The following SLC30A5 variants were observed in gnomAD, a reference collection of about 807,000 sequenced individuals.
SLC30A5 encodes the protein proton-coupled zinc antiporter SLC30A5.
Under a neutral mutation model 79.6 loss-of-function variants are expected in SLC30A5, and 33 were observed. The observed-to-expected ratio is 0.41, with a 90% CI of 0.31 to 0.55. The LOEUF (loss-of-function observed/expected upper bound fraction) is 0.55. Ranked by LOEUF, SLC30A5 falls within the 20% of genes least tolerant of loss-of-function variation. The pLI, the probability that SLC30A5 is intolerant of heterozygous loss-of-function variation, is 0.20. For missense variants in SLC30A5, 788 were observed against 928.1 expected, an observed-to-expected ratio of 0.85 and a Z score of 1.96; for synonymous variants, 299 against 319.7, an observed-to-expected ratio of 0.94 and a Z score of 0.69.
rs1746378774 is a variant in SLC30A5 at position 69,116,542 on chromosome 5, A to G, written c.1221A>G (p.Leu407=). 3 of 1,610,966 alleles carry G rather than the reference A, an allele frequency of 1.9e-6. No individual in the cohort carries two copies. Among genetic ancestry groups the G allele is most frequent in the Middle Eastern group, 1.7e-4 (1 of 6,044 alleles). Residue 407 remains leucine (L), a synonymous_variant, in exon 10 of 16, where the codon CTA becomes CTG. Transcript: ENST00000396591. The surrounding 1 kb of genome is among the most constrained non-coding windows in gnomAD (Gnocchi z 4.0). The part of the protein sequence containing the change: ...QSIPRFIKES[L]KQILEESDSR... ...TCCCTAGGTTTATTAAGGAATCACT[A>G]AAACAAATTCTTGAGGAGAGTGACT...
Position 69,116,284 on chromosome 5 carries a change from C to T in SLC30A5, c.1072+70C>T. ...TGGATTTTGATGGTCACATCATTTACTTATTTTGGGAAATTCTTCAGTGCT... is the reference window on the plus strand; with the variant it reads ...TGGATTTTGATGGTCACATCATTTATTTATTTTGGGAAATTCTTCAGTGCT... On this transcript the variant is annotated intron_variant, in intron 9 of 15. Transcript: ENST00000396591. The surrounding 1 kb of genome is among the most constrained non-coding windows in gnomAD (Gnocchi z 4.0). 1 of 1,510,386 alleles carries T rather than the reference C, an allele frequency of 6.6e-7. No homozygotes were observed. Among genetic ancestry groups the T allele is most frequent in the Non-Finnish European group, 8.9e-7 (1 of 1,127,280 alleles). The allele number at this position is 1,510,386 out of a possible 1,614,324, so 93.6% of individuals were successfully genotyped here.
Position 69,114,410 on chromosome 5 carries a change from A to G in SLC30A5, c.536-10A>G, listed in dbSNP as rs16898517. 2 of 1,579,026 alleles carry G rather than the reference A, an allele frequency of 1.3e-6. No homozygotes were observed. Among genetic ancestry groups the G allele is most frequent in the African/African-American group, 1.3e-5 (1 of 74,280 alleles). On this transcript the variant is annotated splice_polypyrimidine_tract_variant and intron_variant, in intron 6 of 15. Transcript: ENST00000396591. ...TTTGGAATTTTTTTCCTTTACTTCA[A>G]CTCACTTAGCTGAAGGACATCATGA... is the stretch of plus-strand genomic sequence containing the variant.
At chr5:69,104,823 T>C in intron 4 of SLC30A5, 107 bp downstream of exon 4, 1 of 1,141,342 alleles carries the variant, frequency 8.8e-7, no homozygotes, top group South Asian at 1.5e-5. Flanking sequence ...CAAATGTGTC[T>C]AGCACTTTTA....
intron 13 of SLC30A5, 48 bp downstream of exon 13, chr5:69,121,943 C>A (rs1746547685): frequency 6.9e-7 from 1 of 1,446,630 alleles, no homozygotes; most frequent in Non-Finnish European, 9.5e-7. Context: ...TGTTCTAAAT[C>A]AACCCTCTGT....
chr5:69,104,006 C>T (rs1010057467), intron 3 of SLC30A5: 2 of 1,568,782 alleles, frequency 1.3e-6, no homozygotes, highest in Non-Finnish European at 1.7e-6. Context: ...AATTTAAAGA[C>T]AAAAAGTTAA....
Position 69,117,360 on chromosome 5 carries a change from T to C in SLC30A5, c.1403T>C (p.Met468Thr). The C allele has an allele frequency of 6.2e-7, 1 of 1,614,130 alleles. No homozygotes were observed. Among genetic ancestry groups the C allele is most frequent in the South Asian group, 1.1e-5 (1 of 91,080 alleles). Residue 468 changes from methionine (M) to threonine (T), a missense_variant, in exon 11 of 16, where the codon ATG (methionine) becomes ACG (threonine). This residue lies in a region of SLC30A5 where 626 missense variants were observed against 755.5 expected (regional missense o/e 0.83). Coordinates refer to ENST00000396591, the MANE Select transcript of SLC30A5 (RefSeq NM_022902.5). ...ALVMGLFAALMSRWKATRIFS... is the reference protein window; with the variant it reads ...ALVMGLFAALTSRWKATRIFS... The stretch of plus-strand genomic sequence containing the variant: ...GTCATGGGACTTTTTGCTGCCCTGA[T>C]GAGTAGGTGGAAAGCCACTCGGATT...
At chr5:69,103,184 A>T in intron 3 of SLC30A5, 56 bp downstream of exon 3, 1 of 910,576 alleles carries the variant, frequency 1.1e-6, no homozygotes, top group Non-Finnish European at 1.8e-6. Context: ...GTGGGCCAGG[A>T]GGCAATGCTT....
At chr5:69,095,436 G>C (rs1001396240) in intron 1 of SLC30A5, among the ~76,000 whole-genome samples, 38 of 152,146 alleles carry the variant, frequency 2.5e-4, no homozygotes, top group African/African-American at 8.7e-4. Context: ...TCCCGACCTC[G>C]TGATCGGCCT....
In SLC30A5 at chr5:69,113,202, T is replaced by C. The variant is rs765669162; in HGVS notation, c.510T>C (p.Asp170=). The C allele has an allele frequency of 9.3e-6, 15 of 1,613,606 alleles. No homozygotes were observed. The Admixed American group carries it at 2.2e-4, about 23-fold the overall frequency. The stretch of plus-strand genomic sequence containing the variant: ...GTTTATTGCTTTTTGACAATGATGA[T>C]CTCATGGCTAAAATGGCTGAACACC... ...VICLLLFDND[D]LMAKMAEHPE... Residue 170 remains aspartate, a synonymous_variant, in exon 6 of 16, where the codon GAT becomes GAC. Coordinates refer to ENST00000396591, the MANE Select transcript of SLC30A5 (RefSeq NM_022902.5).
chr5:69,098,414 T>G (rs545129116), intron 1 of SLC30A5, among the ~76,000 whole-genome samples: 1 of 152,140 alleles, frequency 6.6e-6, no homozygotes, highest in African/African-American at 2.4e-5. Context: ...TAATCCCAGC[T>G]ACTCAGGAGG....
chr5:69,094,194 C>A lies in SLC30A5; in HGVS notation c.-62C>A. 1 of 871,262 alleles carries A rather than the reference C, an allele frequency of 1.1e-6. No individual in the cohort carries two copies. The highest frequency in any genetic ancestry group is 1.6e-6 in the Non-Finnish European group (1 of 644,530). The allele number at this position is 871,262 out of a possible 1,614,324, so 54.0% of individuals were successfully genotyped here. A position where few individuals can be genotyped will look rare whatever the true frequency, so the allele number is the denominator to read the frequency against. On this transcript the variant is annotated 5_prime_UTR_variant, in exon 1 of 16. Transcript: ENST00000396591. ...CGCGCCTGCACCCGCTGTTCCGCGG[C>A]AGCGGCGAGACATGAGGAGACCCCG...
intron 8 of SLC30A5, 59 bp from the exon 9 acceptor site, chr5:69,115,867 T>C: frequency 7.3e-7 from 1 of 1,366,586 alleles, no homozygotes; most frequent in Non-Finnish European, 1.0e-6. Context: ...CAGAAACATC[T>C]TGTAAGATGT....
chr5:69,094,961 C>G (rs897730137), intron 1 of SLC30A5, among the ~76,000 whole-genome samples: 2 of 152,066 alleles, frequency 1.3e-5, no homozygotes, highest in East Asian at 1.9e-4. Context: ...CCCACCAACC[C>G]GAAAAGTAAG....
At chr5:69,122,959 T>C (rs1746575512) in intron 13 of SLC30A5, among the ~76,000 whole-genome samples, 2 of 152,166 alleles carry the variant, frequency 1.3e-5, no homozygotes, top group Admixed American at 1.3e-4. Flanking sequence ...GGGAAGCCTT[T>C]CCAGACAAAG....
rs1336223572 is a variant in SLC30A5 at position 69,130,843 on chromosome 5, T to C, written c.*1226T>C. The C allele has an allele frequency of 1.3e-5, 2 of 152,298 alleles. No individual in the cohort carries two copies. Among genetic ancestry groups the C allele is most frequent in the African/African-American group, 4.8e-5 (2 of 41,580 alleles). 9.4% of individuals were successfully genotyped at this position (152,298 alleles called of 1,614,324 possible). A position where few individuals can be genotyped will look rare whatever the true frequency, so the allele number is the denominator to read the frequency against. ...ATTTATAACATCTGAATATTTTCATTCTTATATTAAGAATTTTGATAAGTA... is the reference window on the plus strand; with the variant it reads ...ATTTATAACATCTGAATATTTTCATCCTTATATTAAGAATTTTGATAAGTA... On this transcript the variant is annotated 3_prime_UTR_variant, in exon 16 of 16. Transcript: ENST00000396591.
chr5:69,127,178 C>T (rs902790094), intron 14 of SLC30A5, among the ~76,000 whole-genome samples: 2 of 152,098 alleles, frequency 1.3e-5, no homozygotes, highest in Admixed American at 6.6e-5. Context: ...AATGTGTTAT[C>T]TCTATATAAC....
chr5:69,099,182 A>G (rs1325801401), intron 1 of SLC30A5, among the ~76,000 whole-genome samples: 1 of 152,244 alleles, frequency 6.6e-6, no homozygotes, highest in Non-Finnish European at 1.5e-5. Flanking sequence ...TCTTGAATAA[A>G]TAACACTTTT....
At chr5:69,126,061 T>C (rs1746679159) in intron 14 of SLC30A5, among the ~76,000 whole-genome samples, 1 of 151,568 alleles carries the variant, frequency 6.6e-6, no homozygotes, top group African/African-American at 2.4e-5. Flanking sequence ...GGAAAAACAG[T>C]CATGTAGAAA....
In SLC30A5 at chr5:69,117,283, T is replaced by C; in HGVS notation, c.1326T>C (p.Ser442=). 6.2e-7 allele frequency: 1 copy of C among 1,613,952 alleles called. No homozygotes were observed. Among genetic ancestry groups the C allele is most frequent in the Non-Finnish European group, 8.5e-7 (1 of 1,179,944 alleles). ...VELFYGVLTN[S]LGLISDGFHM... is the part of the protein sequence containing the mutation. ...TATTCTATGGCGTGCTGACCAATAGTCTGGGCCTGATCTCGGATGGATTCC... is the reference window on the plus strand; with the variant it reads ...TATTCTATGGCGTGCTGACCAATAGCCTGGGCCTGATCTCGGATGGATTCC... The change falls in exon 11 of 16, where the codon AGT becomes AGC. Residue 442 remains serine (S), a synonymous_variant. Transcript: ENST00000396591.
Sources: allele counts gnomAD v4.1 joint callset (sites outside exome capture counted in the v4.1 genomes callset), GRCh38; gene constraint gnomAD v4.1.1; regional missense constraint gnomAD v4.1.1; non-coding constraint Gnocchi (gnomAD v3.1); transcripts MANE v1.5; gene names NCBI Gene and HGNC (gene_info 2026-07-23, HGNC 2026-07-21).